MFN1: variants seen among roughly 807,000 people sequenced by gnomAD.
The protein encoded by MFN1 is mitofusin-1.
In MFN1, 65 loss-of-function variants were observed where a neutral mutation model predicts 92.4. That is an observed-to-expected ratio of 0.70 (90% confidence interval 0.58 to 0.86). The LOEUF (loss-of-function observed/expected upper bound fraction) is 0.86. MFN1 is among the 40% of genes least tolerant of loss of function. The pLI is 0.00. For missense variants in MFN1, 781 were observed against 868.0 expected (o/e 0.90, Z 1.26); for synonymous variants, 297 against 300.9 (o/e 0.99, Z 0.13).
At chr3:179,369,544 A>G (rs1247329940) in intron 9 of MFN1, among the ~76,000 whole-genome samples, 1 of 152,172 alleles carries the variant, frequency 6.6e-6, no homozygotes, top group Non-Finnish European at 1.5e-5. Flanking sequence ...GGTTCATGGT[A>G]TAGCTTGTGC....
chr3:179,358,807 G>T (rs1712446997), intron 3 of MFN1, 33 bp from the exon 4 acceptor site: 2 of 1,586,778 alleles, frequency 1.3e-6, no homozygotes, highest in Admixed American at 1.8e-5. Context: ...TTACTGTTAT[G>T]TTTTGTTTTT....
chr3:179,384,776 C>A (rs1015730972), intron 14 of MFN1, among the ~76,000 whole-genome samples: 23 of 152,200 alleles, frequency 1.5e-4, no homozygotes, highest in Non-Finnish European at 2.1e-4. Context: ...CTCAAGCTAT[C>A]CTCCTGCCAT....
rs763014602 is a variant in MFN1 at position 179,348,968 on chromosome 3, GTTC to G, written c.112+11_112+13del. On this transcript the variant is annotated splice_donor_region_variant and intron_variant, in intron 2 of 17. Coordinates refer to ENST00000471841, the MANE Select transcript of MFN1 (RefSeq NM_033540.3). ...AAGGATCACATTTTGTTGAAGGTTA[GTTC>G]TTCTTAAGTTTTTAAAGTAATTACT... is the stretch of plus-strand genomic sequence containing the variant. 69 of 1,576,716 alleles carry G rather than the reference GTTC, an allele frequency of 4.4e-5. No homozygotes were observed. The Admixed American group carries it at 7.2e-4, about 16-fold the overall frequency.
chr3:179,371,914 T>C (rs2108542061), intron 9 of MFN1, among the ~76,000 whole-genome samples: 1 of 151,880 alleles, frequency 6.6e-6, no homozygotes, highest in East Asian at 1.9e-4. Context: ...GCTTGTGATG[T>C]AGTAATGACC....
At chr3:179,388,405 T>C (rs1713779383) in intron 16 of MFN1, among the ~76,000 whole-genome samples, 1 of 152,206 alleles carries the variant, frequency 6.6e-6, no homozygotes, top group Non-Finnish European at 1.5e-5. Context: ...AATTTTATTA[T>C]AACATATACC....
At chr3:179,353,920 T>G (rs1332028341) in intron 3 of MFN1, among the ~76,000 whole-genome samples, 1 of 152,264 alleles carries the variant, frequency 6.6e-6, no homozygotes, top group Non-Finnish European at 1.5e-5. Context: ...GTTACTACCT[T>G]GGACACCTTC....
In MFN1 at chr3:179,364,424, A is replaced by G. The variant is rs1439498957; in HGVS notation, c.645+19A>G. The G allele has an allele frequency of 5.2e-6, 8 of 1,527,778 alleles. No individual in the cohort carries two copies. The highest frequency in any genetic ancestry group is 6.3e-6 in the Non-Finnish European group (7 of 1,103,640). The allele number at this position is 1,527,778 out of a possible 1,614,324, so 94.6% of individuals were successfully genotyped here. On this transcript the variant is annotated intron_variant, in intron 6 of 17. Coordinates refer to ENST00000471841, the MANE Select transcript of MFN1 (RefSeq NM_033540.3). ...GAATACGGTAGGATTTAATCATATTATTGTGTTTCGATGGTAGGAAATGAA... is the reference window on the plus strand; with the variant it reads ...GAATACGGTAGGATTTAATCATATTGTTGTGTTTCGATGGTAGGAAATGAA...
intron 3 of MFN1, among the ~76,000 whole-genome samples, chr3:179,352,886 G>C (rs935204590): frequency 1.1e-4 from 16 of 151,758 alleles, no homozygotes; most frequent in Non-Finnish European, 1.9e-4. Flanking sequence ...CTAGTAGCTG[G>C]AATTATAGGC....
At chr3:179,384,716 G>A (rs1183901543) in intron 14 of MFN1, among the ~76,000 whole-genome samples, 2 of 152,046 alleles carry the variant, frequency 1.3e-5, no homozygotes, top group Non-Finnish European at 2.9e-5. Context: ...AGAAATTTTT[G>A]TAGACACAAG....
chr3:179,366,679 T>C (rs1308587829), intron 7 of MFN1, among the ~76,000 whole-genome samples: 4 of 152,210 alleles, frequency 2.6e-5, no homozygotes, highest in Non-Finnish European at 5.9e-5. Context: ...CTCTTTCAAA[T>C]TGGGGTCTCA....
chr3:179,351,782 G>T (rs1249535746), intron 2 of MFN1, 118 bp from the exon 3 acceptor site: 2 of 885,622 alleles, frequency 2.3e-6, no homozygotes, highest in Non-Finnish European at 3.3e-6. Context: ...CAAACATTGA[G>T]ATGCTGTGGG....
rs1010079057 is a variant in MFN1 at position 179,365,301 on chromosome 3, T to A, written c.753+76T>A. ...TGTTATTTGAGAAAACAATATTGCT[T>A]ATAGAATAGAAAATTATAAGAGCTA... is the stretch of plus-strand genomic sequence containing the variant. On this transcript the variant is annotated intron_variant, in intron 7 of 17. Transcript: ENST00000471841. The A allele has an allele frequency of 2.2e-5, 18 of 815,804 alleles. No individual in the cohort carries two copies. In the Admixed American group the frequency reaches 3.5e-4, roughly 16 times the overall value. 50.5% of individuals were successfully genotyped at this position (815,804 alleles called of 1,614,324 possible). A position where few individuals can be genotyped will look rare whatever the true frequency, so the allele number is the denominator to read the frequency against.
intron 10 of MFN1, among the ~76,000 whole-genome samples, 169 bp downstream of exon 10, chr3:179,375,510 ATATT>A (rs926302400): frequency 2.6e-5 from 4 of 152,210 alleles, no homozygotes; most frequent in Non-Finnish European, 4.4e-5. Flanking sequence ...GAAAGTGTCG[ATATT>A]TATTCTGCAA....
chr3:179,392,068 A>G lies in MFN1; in HGVS notation c.*9A>G. On this transcript the variant is annotated 3_prime_UTR_variant, in exon 18 of 18. Coordinates refer to ENST00000471841, the MANE Select transcript of MFN1 (RefSeq NM_033540.3). ...GCAATGAAGAATCCTAACAATAGAG[A>G]TTGCTTTGGTGACCATGATAGGAGG... The G allele has an allele frequency of 1.3e-6, 2 of 1,586,848 alleles. No individual in the cohort carries two copies. Among genetic ancestry groups the G allele is most frequent in the South Asian group, 2.2e-5 (2 of 88,944 alleles).
chr3:179,391,499 T>G (rs1233687990), intron 17 of MFN1, among the ~76,000 whole-genome samples: 1 of 152,262 alleles, frequency 6.6e-6, no homozygotes, highest in African/African-American at 2.4e-5. Context: ...TGATGTATAC[T>G]TGTATGACCT....
chr3:179,380,501 G>T (rs1407033397), intron 14 of MFN1, among the ~76,000 whole-genome samples: 2 of 152,100 alleles, frequency 1.3e-5, no homozygotes, highest in Non-Finnish European at 2.9e-5. Context: ...TTTCTGATTG[G>T]TTTCACAAAC....
intron 4 of MFN1, among the ~76,000 whole-genome samples, chr3:179,359,302 G>A (rs1966447): frequency 0.19 from 28,184 of 150,360 alleles, 3,202 homozygotes; most frequent in Admixed American, 0.25. Context: ...TGTATTTTTA[G>A]TAGAGATGGG....
In MFN1 at chr3:179,386,431, A is replaced by G; in HGVS notation, c.1816-2A>G. On this transcript the variant is annotated splice_acceptor_variant, in intron 15 of 17. Coordinates refer to ENST00000471841, the MANE Select transcript of MFN1 (RefSeq NM_033540.3). LOFTEE classifies it high-confidence loss of function. Reference sequence around the variant, plus strand: ...AGACTAAGCTATGACTTTATCTTACAGATTTGGAAAACTATAGGCTGGAAA... The same window carrying G: ...AGACTAAGCTATGACTTTATCTTACGGATTTGGAAAACTATAGGCTGGAAA... 1 of 1,609,536 alleles carries G rather than the reference A, an allele frequency of 6.2e-7. No individual in the cohort carries two copies. The highest frequency in any genetic ancestry group is 8.5e-7 in the Non-Finnish European group (1 of 1,178,668).
Position 179,378,389 on chromosome 3 carries a change from C to G in MFN1, c.1378C>G (p.Arg460Gly). ...TGGTATGGGAAGAAATTTGGCTGAT[C>G]GATGCACCGATGAAGTAAACGCCTT... ...EDGMGRNLAD[R>G]CTDEVNALVL... Residue 460 changes from arginine (R) to glycine (G), a missense_variant, in exon 13 of 18, where the codon CGA becomes GGA. Physicochemically the swap from Arg to Gly is moderately radical, Grantham distance 125. Coordinates refer to ENST00000471841, the MANE Select transcript of MFN1 (RefSeq NM_033540.3). The G allele has an allele frequency of 1.2e-6, 2 of 1,605,680 alleles. No individual in the cohort carries two copies. Among genetic ancestry groups the G allele is most frequent in the African/African-American group, 1.3e-5 (1 of 74,342 alleles).
Sources: allele counts gnomAD v4.1 joint callset (sites outside exome capture counted in the v4.1 genomes callset), GRCh38; gene constraint gnomAD v4.1.1; transcripts MANE v1.5; gene names NCBI Gene and HGNC (gene_info 2026-07-23, HGNC 2026-07-21).